SLC9D1: variants seen among roughly 807,000 people sequenced by gnomAD.
SLC9D1 encodes the protein solute carrier family 9 member D1.
the SLC9D1 span, chr13:113,534,344 T>C: frequency 1.0e-6 from 1 of 961,012 alleles, no homozygotes; most frequent in Non-Finnish European, 1.6e-6. Context: ...ATGGTTAAAA[T>C]ATTTGAAACA....
the SLC9D1 span, chr13:113,499,995 A>T: frequency 6.4e-7 from 1 of 1,563,202 alleles, no homozygotes; most frequent in South Asian, 1.2e-5. Flanking sequence ...CTGAGGGTGG[A>T]GGAAGAAGAG....
At chr13:113,525,249 T>C in the SLC9D1 span, among the ~76,000 whole-genome samples, 1 of 152,206 alleles carries the variant, frequency 6.6e-6, no homozygotes, top group Non-Finnish European at 1.5e-5. Flanking sequence ...TCTCTGGACC[T>C]GAACAATTCC....
At chr13:113,506,563 G>GTT in the SLC9D1 span, among the ~76,000 whole-genome samples, 2 of 151,812 alleles carry the variant, frequency 1.3e-5, no homozygotes, top group African/African-American at 2.4e-5. Context: ...GTGTGAGTGT[G>GTT]TGTGTGTGTG....
the SLC9D1 span, among the ~76,000 whole-genome samples, chr13:113,497,323 CCTGCAGCTGTGTGTGAGAT>C: frequency 6.6e-6 from 1 of 150,686 alleles, no homozygotes; most frequent in African/African-American, 2.5e-5. Context: ...GTGTGCAAGA[CCTGCAGCTGTGTGTGAGAT>C]CTGCAGCTGT....
the SLC9D1 span, chr13:113,549,345 T>G: frequency 4.0e-6 from 6 of 1,506,546 alleles, no homozygotes; most frequent in Non-Finnish European, 5.4e-6. Context: ...CCCAGCTCAG[T>G]GAGACCAGCC....
chr13:113,491,087 A>C, the SLC9D1 span: 69 of 153,452 alleles, frequency 4.5e-4, no homozygotes, highest in African/African-American at 1.3e-3. Flanking sequence ...TCCCTCCCGG[A>C]CTCCCGGCCT....
chr13:113,501,756 T>G, the SLC9D1 span: 1 of 1,608,530 alleles, frequency 6.2e-7, no homozygotes, highest in African/African-American at 1.3e-5. Context: ...CTTCAGGACA[T>G]TGTTACCATA....
the SLC9D1 span, among the ~76,000 whole-genome samples, chr13:113,496,200 A>C: frequency 6.6e-6 from 1 of 152,222 alleles, no homozygotes; most frequent in Admixed American, 6.5e-5. Context: ...TTTCACAGGA[A>C]ATCGCATCTA....
chr13:113,516,043 G>C, the SLC9D1 span, among the ~76,000 whole-genome samples: 1 of 152,078 alleles, frequency 6.6e-6, no homozygotes, highest in East Asian at 1.9e-4. Context: ...CTGCTTACAG[G>C]ATCATTAAAT....
chr13:113,545,099 C>T, the SLC9D1 span, among the ~76,000 whole-genome samples: 1 of 152,246 alleles, frequency 6.6e-6, no homozygotes, highest in Admixed American at 6.5e-5. Flanking sequence ...TGCTGTTGGG[C>T]GTCCCTCCCT....
At chr13:113,515,467 C>G in the SLC9D1 span, among the ~76,000 whole-genome samples, 1 of 152,178 alleles carries the variant, frequency 6.6e-6, no homozygotes, top group African/African-American at 2.4e-5. Flanking sequence ...GGCATGCCAT[C>G]AGAGAGAGAC....
the SLC9D1 span, chr13:113,530,712 G>A: frequency 6.6e-6 from 1 of 152,112 alleles, no homozygotes; most frequent in Non-Finnish European, 1.5e-5. Flanking sequence ...TATTTCACAG[G>A]TAAAGAACAG....
the SLC9D1 span, chr13:113,503,651 T>C: frequency 9.4e-7 from 1 of 1,067,852 alleles, no homozygotes; most frequent in Non-Finnish European, 1.4e-6. Flanking sequence ...TTTTGGTTCA[T>C]ACACTTTTAA....
chr13:113,509,206 GTA>G, the SLC9D1 span, among the ~76,000 whole-genome samples: 1 of 101,434 alleles, frequency 9.9e-6, no homozygotes, highest in East Asian at 2.8e-4. Flanking sequence ...AGCTGCCTGT[GTA>G]TGTTGGGACT....
At chr13:113,526,532 A>G in the SLC9D1 span, among the ~76,000 whole-genome samples, 1 of 152,068 alleles carries the variant, frequency 6.6e-6, no homozygotes, top group Non-Finnish European at 1.5e-5. Flanking sequence ...CAGCCTGGGC[A>G]ACATAGCAAG....
the SLC9D1 span, among the ~76,000 whole-genome samples, chr13:113,543,409 A>G: frequency 0.026 from 1 of 38 alleles, no homozygotes. Flanking sequence ...CCCTCTGTCC[A>G]TGACCCCCAC....
At chr13:113,504,268 CTTAAT>C in the SLC9D1 span, 1 of 152,134 alleles carries the variant, frequency 6.6e-6, no homozygotes, top group Non-Finnish European at 1.5e-5. Context: ...AACAAAGTGA[CTTAAT>C]TTACAGTGTC....
the SLC9D1 span, among the ~76,000 whole-genome samples, chr13:113,547,558 G>A: frequency 3.9e-5 from 6 of 152,198 alleles, no homozygotes; most frequent in Admixed American, 2.6e-4. Context: ...GAGGCTGGGC[G>A]GTCTGGGTTT....
chr13:113,535,676 A>C, the SLC9D1 span, among the ~76,000 whole-genome samples: 3 of 151,684 alleles, frequency 2.0e-5, no homozygotes, highest in South Asian at 6.3e-4. The surrounding 1 kb of genome is among the most constrained non-coding windows in gnomAD (Gnocchi z 4.1). Flanking sequence ...GCAGCCCCCA[A>C]AGGCTGCGTA....
Sources: gnomAD v4.1 joint callset for allele counts (sites outside exome capture counted in the v4.1 genomes callset) on GRCh38, gnomAD v4.1.1 for gene constraint, Gnocchi (gnomAD v3.1) non-coding constraint, MANE v1.5 for transcripts, NCBI Gene and HGNC (gene_info 2026-07-23, HGNC 2026-07-21) for gene names.